Variants in SPON1 observed in about 807,000 individuals in gnomAD.
SPON1 encodes spondin 1.
In SPON1, 52 loss-of-function variants were observed where a neutral mutation model predicts 111.7. The observed-to-expected ratio is 0.47, with a 90% confidence interval of 0.37 to 0.59. The LOEUF (loss-of-function observed/expected upper bound fraction) is 0.59, where lower values mean the gene tolerates loss of function less well. SPON1 is among the 20% of genes least tolerant of loss of function. The pLI, the probability that SPON1 is intolerant of heterozygous loss-of-function variation, is 0.00. For missense variants in SPON1, 957 were observed against 1,068.5 expected, an observed-to-expected ratio of 0.90 and a Z score of 1.46; for synonymous variants, 410 against 395.8, an observed-to-expected ratio of 1.04 and a Z score of -0.43.
chr11:14,257,687 A>C, intron 10 of SPON1, 29 bp from the exon 11 acceptor site: 1 of 1,569,664 alleles, frequency 6.4e-7, no homozygotes, highest in Admixed American at 1.8e-5. Flanking sequence ...ATAGGTTCCC[A>C]GGGAAAACAT....
intron 2 of SPON1, among the ~76,000 whole-genome samples, chr11:14,033,585 CAG>C (rs1213426325): frequency 2.0e-5 from 3 of 152,096 alleles, no homozygotes; most frequent in African/African-American, 7.2e-5. Context: ...TAGGCACCCT[CAG>C]AGTAAAGATG....
At chr11:14,182,858 A>G (rs1326030809) in intron 6 of SPON1, among the ~76,000 whole-genome samples, 1 of 152,200 alleles carries the variant, frequency 6.6e-6, no homozygotes. Context: ...CAAGTGGACA[A>G]TGAGACTGTG....
chr11:14,161,423 A>T (rs1379911273), intron 6 of SPON1, among the ~76,000 whole-genome samples: 1 of 150,018 alleles, frequency 6.7e-6, no homozygotes, highest in Admixed American at 6.8e-5. Context: ...GGTTCAAGTG[A>T]TTCTCTTGCC....
chr11:14,067,794 C>T (rs757248544), intron 3 of SPON1, among the ~76,000 whole-genome samples: 1 of 152,160 alleles, frequency 6.6e-6, no homozygotes, highest in Non-Finnish European at 1.5e-5. Flanking sequence ...TGATATTACC[C>T]CAAACAAAAT....
chr11:14,208,487 A>T (rs11023142), intron 6 of SPON1, among the ~76,000 whole-genome samples: 1 of 152,078 alleles, frequency 6.6e-6, no homozygotes, highest in African/African-American at 2.4e-5. Context: ...AATATGTTAA[A>T]TGTTACCCAG....
chr11:14,235,906 T>C (rs1554939180), intron 6 of SPON1, among the ~76,000 whole-genome samples: 2 of 152,076 alleles, frequency 1.3e-5, no homozygotes, highest in Non-Finnish European at 2.9e-5. Flanking sequence ...GAGAACAGCA[T>C]TCCAGGCACA....
intron 10 of SPON1, 68 bp from the exon 11 acceptor site, chr11:14,257,648 G>T (rs1591429489): frequency 2.1e-6 from 3 of 1,440,170 alleles, no homozygotes; most frequent in East Asian, 2.5e-5. Context: ...AGATAAGCTG[G>T]TATGGGGAGA....
chr11:14,191,142 A>G (rs1366615424), intron 6 of SPON1, among the ~76,000 whole-genome samples: 2 of 152,190 alleles, frequency 1.3e-5, no homozygotes, highest in Non-Finnish European at 2.9e-5. Context: ...ATTTTAAACC[A>G]CATCATTTAA....
At chr11:14,177,549 C>T (rs1016432561) in intron 6 of SPON1, among the ~76,000 whole-genome samples, 1 of 152,170 alleles carries the variant, frequency 6.6e-6, no homozygotes, top group Non-Finnish European at 1.5e-5. Context: ...ATCTCAAGCA[C>T]TGATCTTAAG....
chr11:14,063,360 C>T (rs1032538035), intron 3 of SPON1, among the ~76,000 whole-genome samples: 2 of 152,178 alleles, frequency 1.3e-5, no homozygotes, highest in Admixed American at 1.3e-4. Context: ...TTCTTTTCCA[C>T]ATTATTCACT....
At chr11:14,075,448 G>C in intron 4 of SPON1, 30 bp downstream of exon 4, 1 of 1,484,596 alleles carries the variant, frequency 6.7e-7, no homozygotes, top group Non-Finnish European at 9.2e-7. Flanking sequence ...GAGGGGGAGG[G>C]GCAGAGACAT....
intron 6 of SPON1, among the ~76,000 whole-genome samples, chr11:14,240,486 G>A (rs1444624669): frequency 6.6e-6 from 1 of 152,112 alleles, no homozygotes; most frequent in African/African-American, 2.4e-5. Flanking sequence ...GCCTCCATAG[G>A]TCTAAATGGA....
At position 14,105,882 on chromosome 11, in the gene SPON1, T is replaced by C. The variant is rs565931102; in HGVS notation, c.676+25861T>C. 6.6e-5 allele frequency among the ~76,000 whole-genome samples: 10 copies of C among 152,316 alleles called. No individual in the cohort carries two copies. In the South Asian group the frequency reaches 2.1e-3, roughly 32 times the overall value. On this transcript the variant is annotated intron_variant, in intron 5 of 15. Transcript: ENST00000576479. Reference sequence around the variant, plus strand: ...CTGTATTGGATTGGCCATTCAGAATTAGATATTACATTAAATATTACTTTC... The same window carrying C: ...CTGTATTGGATTGGCCATTCAGAATCAGATATTACATTAAATATTACTTTC...
At chr11:14,145,436 C>T (rs1308853793) in intron 6 of SPON1, among the ~76,000 whole-genome samples, 1 of 152,016 alleles carries the variant, frequency 6.6e-6, no homozygotes, top group African/African-American at 2.4e-5. Flanking sequence ...GTAACTGAGC[C>T]AAAATATTGC....
At chr11:13,988,758 G>T (rs1554910721) in intron 2 of SPON1, among the ~76,000 whole-genome samples, 1 of 152,114 alleles carries the variant, frequency 6.6e-6, no homozygotes, top group South Asian at 2.1e-4. Flanking sequence ...TTAGCATGAA[G>T]GGGTGTTGAA....
At chr11:14,118,878 G>A (rs1849284382) in intron 5 of SPON1, among the ~76,000 whole-genome samples, 1 of 152,176 alleles carries the variant, frequency 6.6e-6, no homozygotes, top group South Asian at 2.1e-4. Flanking sequence ...ATAACATGGG[G>A]ATGGTAACTG....
chr11:14,034,724 G>A (rs1270264144), intron 2 of SPON1, among the ~76,000 whole-genome samples: 2 of 152,038 alleles, frequency 1.3e-5, no homozygotes, highest in Non-Finnish European at 1.5e-5. Context: ...GACAACCCTG[G>A]GTCTGAATCC....
intron 3 of SPON1, among the ~76,000 whole-genome samples, chr11:14,052,258 T>C (rs551064236): frequency 2.0e-5 from 3 of 152,354 alleles, no homozygotes; most frequent in East Asian, 3.9e-4. Flanking sequence ...TAAGAAGCAA[T>C]TAGCTAGCAC....
intron 6 of SPON1, among the ~76,000 whole-genome samples, chr11:14,197,404 A>G (rs1848413639): frequency 6.6e-6 from 1 of 151,984 alleles, no homozygotes; most frequent in African/African-American, 2.4e-5. Flanking sequence ...GCTCAGAAGT[A>G]TTGACTGCAG....
Sources: gnomAD v4.1 joint callset for allele counts (sites outside exome capture counted in the v4.1 genomes callset) on GRCh38, gnomAD v4.1.1 for gene constraint, MANE v1.5 for transcripts, NCBI Gene and HGNC (gene_info 2026-07-23, HGNC 2026-07-21) for gene names.